Variants in FIGNL2 observed in about 807,000 individuals in gnomAD.
FIGNL2 encodes the protein fidgetin like 2.
For missense variants in FIGNL2, 1,060 were observed against 950.2 expected (o/e 1.12, Z -1.52); for synonymous variants, 565 against 484.0 (o/e 1.17, Z -2.20).
chr12:51,821,712 G>T lies in FIGNL2; in HGVS notation c.702C>A (p.Gly234=), dbSNP rs1200594868. 5 of 1,332,242 alleles carry T rather than the reference G, an allele frequency of 3.8e-6. No individual in the cohort carries two copies. The highest frequency in any genetic ancestry group is 8.4e-5 in the Admixed American group (2 of 23,884). 82.5% of individuals were successfully genotyped at this position (1,332,242 alleles called of 1,614,324 possible). The stretch of plus-strand genomic sequence containing the variant: ...CGGGCAGGGGCGTGGGCGCGGGCAG[G>T]CCCGGGGTCAGGTAGGGGGCCGGGG... The part of the protein sequence containing the change: ...GPPPAPYLTP[G]LPAPTPLPAP... The change falls in exon 2 of 2, where the codon GGC becomes GGA. Residue 234 remains glycine, a synonymous_variant. Coordinates refer to ENST00000618634, the MANE Select transcript of FIGNL2 (RefSeq NM_001384995.1).
chr12:51,821,912 C>T lies in FIGNL2; in HGVS notation c.502G>A (p.Ala168Thr). ...YAAGYGGGYL[A>T]PGYCAQTGAA... ...CCCGTCTGCGCGCAGTAACCCGGCG[C>T]CAGGTACCCCCCGCCGTAGCCGGCC... The change falls in exon 2 of 2, where the codon GCG becomes ACG. Residue 168 changes from alanine (A) to threonine (T), a missense_variant. Ala to Thr is a moderately conservative substitution (Grantham distance 58). Coordinates refer to ENST00000618634, the MANE Select transcript of FIGNL2 (RefSeq NM_001384995.1). 1 of 1,477,178 alleles carries T rather than the reference C, an allele frequency of 6.8e-7. No individual in the cohort carries two copies. Among genetic ancestry groups the T allele is most frequent in the Non-Finnish European group, 8.9e-7 (1 of 1,118,502 alleles). 91.5% of individuals were successfully genotyped at this position (1,477,178 alleles called of 1,614,324 possible).
intron 1 of FIGNL2, among the ~76,000 whole-genome samples, chr12:51,834,122 T>G (rs1939536928): frequency 7.3e-6 from 1 of 137,770 alleles, no homozygotes; most frequent in African/African-American, 2.7e-5. Flanking sequence ...GATGGATGGA[T>G]GGATGGATGG....
intron 1 of FIGNL2, chr12:51,847,875 G>A: frequency 2.1e-6 from 2 of 968,688 alleles, no homozygotes; most frequent in Non-Finnish European, 2.5e-6. Context: ...GGTCCCCCTT[G>A]TTGCCTGTAG....
intron 1 of FIGNL2, chr12:51,845,770 G>C (rs1423991624): frequency 4.4e-5 from 25 of 567,868 alleles, no homozygotes; most frequent in Non-Finnish European, 4.4e-5. Context: ...GCAGCAGTCG[G>C]AGCTTGGGGG....
rs943464162 is a variant in FIGNL2 at position 51,848,253 on chromosome 12, C to T, written c.-12+287G>A. On this transcript the variant is annotated intron_variant, in intron 1 of 1. Coordinates refer to ENST00000618634, the MANE Select transcript of FIGNL2 (RefSeq NM_001384995.1). ...CCGAGCCGGCTGCTCGCTTTCGCTG[C>T]AGCCCCCGCACCAGAGGGGGCTGCG... 8 of 984,850 alleles carry T rather than the reference C, an allele frequency of 8.1e-6. No individual in the cohort carries two copies. In the African/African-American group the frequency reaches 1.2e-4, roughly 15 times the overall value. The allele number at this position is 984,850 out of a possible 1,614,324, so 61.0% of individuals were successfully genotyped here.
chr12:51,847,631 T>C, intron 1 of FIGNL2: 3 of 985,160 alleles, frequency 3.0e-6, no homozygotes, highest in Non-Finnish European at 3.6e-6. Flanking sequence ...GCGCGCTCTC[T>C]GCCCCGCGCA....
intron 1 of FIGNL2, among the ~76,000 whole-genome samples, chr12:51,826,640 CAAAAAAAA>C (rs4025910): frequency 2.9e-5 from 3 of 104,390 alleles, no homozygotes; most frequent in Non-Finnish European, 5.6e-5. Context: ...ACTCCCATCT[CAAAAAAAA>C]AAAAAAAAAA....
At chr12:51,830,958 T>A (rs1402877792) in intron 1 of FIGNL2, among the ~76,000 whole-genome samples, 1 of 151,918 alleles carries the variant, frequency 6.6e-6, no homozygotes, top group African/African-American at 2.4e-5. Context: ...TTGGCTAATG[T>A]TTGTGTTTGT....
intron 1 of FIGNL2, among the ~76,000 whole-genome samples, chr12:51,833,641 C>T (rs1405451707): frequency 1.3e-5 from 2 of 152,194 alleles, no homozygotes; most frequent in Non-Finnish European, 2.9e-5. Flanking sequence ...ACCTCAGTGC[C>T]CCTGCCTCTG....
intron 1 of FIGNL2, among the ~76,000 whole-genome samples, chr12:51,839,729 C>T (rs1939630267): frequency 6.6e-6 from 1 of 152,214 alleles, no homozygotes; most frequent in African/African-American, 2.4e-5. Flanking sequence ...TGCCCTTCCA[C>T]TCCAATGCCC....
At position 51,817,942 on chromosome 12, in the gene FIGNL2, T is replaced by C. The variant is rs1438923386; in HGVS notation, c.*2510A>G. On this transcript the variant is annotated 3_prime_UTR_variant, in exon 2 of 2. Coordinates refer to ENST00000618634, the MANE Select transcript of FIGNL2 (RefSeq NM_001384995.1). Reference sequence around the variant, plus strand: ...TACTGTGTAATACTTTCTTTTAAAATACAGTCTCTTCTGAGGTAGACAGAC... The same window carrying C: ...TACTGTGTAATACTTTCTTTTAAAACACAGTCTCTTCTGAGGTAGACAGAC... 3.3e-5 allele frequency: 5 copies of C among 152,350 alleles called. No homozygotes were observed. Among genetic ancestry groups the C allele is most frequent in the Non-Finnish European group, 5.9e-5 (4 of 67,998 alleles). 9.4% of individuals were successfully genotyped at this position (152,350 alleles called of 1,614,324 possible).
intron 1 of FIGNL2, among the ~76,000 whole-genome samples, chr12:51,834,141 ATGAT>A (rs1565946437): frequency 2.0e-5 from 3 of 151,918 alleles, no homozygotes; most frequent in Non-Finnish European, 4.4e-5. Flanking sequence ...GGATGGATGG[ATGAT>A]CCTAGAGGCT....
At chr12:51,835,631 A>G (rs1939567149) in intron 1 of FIGNL2, 1 of 152,192 alleles carries the variant, frequency 6.6e-6, no homozygotes, top group Non-Finnish European at 1.5e-5. Flanking sequence ...GGTACTAGCC[A>G]CATTCCATAT....
At chr12:51,836,484 C>T (rs1939580941) in intron 1 of FIGNL2, among the ~76,000 whole-genome samples, 1 of 152,116 alleles carries the variant, frequency 6.6e-6, no homozygotes, top group African/African-American at 2.4e-5. Flanking sequence ...AGCTGTGTCC[C>T]CCGAGGCCTG....
At position 51,822,117 on chromosome 12, in the gene FIGNL2, C is replaced by T. The variant is rs1480390877; in HGVS notation, c.297G>A (p.Trp99Ter). ...LNGAKGDPEP[W>*]PGPEPPYPLA... The stretch of plus-strand genomic sequence containing the variant: ...AGGGGTAGGGTGGCTCCGGCCCTGG[C>T]CAGGGCTCGGGATCCCCTTTGGCGC... Residue 99 changes from tryptophan (W) to a stop codon, truncating the protein, a stop_gained, in exon 2 of 2, where the codon TGG becomes TGA. Coordinates refer to ENST00000618634, the MANE Select transcript of FIGNL2 (RefSeq NM_001384995.1). LOFTEE classifies it low-confidence loss of function (END_TRUNC). 1 of 1,610,698 alleles carries T rather than the reference C, an allele frequency of 6.2e-7. No homozygotes were observed. Among genetic ancestry groups the T allele is most frequent in the Non-Finnish European group, 8.5e-7 (1 of 1,178,734 alleles).
chr12:51,848,378 T>C lies in FIGNL2; in HGVS notation c.-12+162A>G, dbSNP rs1272658375. 3 of 980,436 alleles carry C rather than the reference T, an allele frequency of 3.1e-6. No homozygotes were observed. In the African/African-American group the frequency reaches 5.4e-5, roughly 18 times the overall value. 60.7% of individuals were successfully genotyped at this position (980,436 alleles called of 1,614,324 possible). On this transcript the variant is annotated intron_variant, in intron 1 of 1. Coordinates refer to ENST00000618634, the MANE Select transcript of FIGNL2 (RefSeq NM_001384995.1). Reference sequence around the variant, plus strand: ...GCTCCCACGTACCCGCTAGGGTCTCTCGCCGGCCCTGCCCTCCGACCCCCG... The same window carrying C: ...GCTCCCACGTACCCGCTAGGGTCTCCCGCCGGCCCTGCCCTCCGACCCCCG...
chr12:51,834,708 C>T (rs146741538), intron 1 of FIGNL2, among the ~76,000 whole-genome samples: 1 of 152,340 alleles, frequency 6.6e-6, no homozygotes, highest in East Asian at 1.9e-4. Flanking sequence ...GGGGACAGCA[C>T]AGATATCCCT....
chr12:51,847,399 G>A (rs1372901175), intron 1 of FIGNL2: 1 of 985,352 alleles, frequency 1.0e-6, no homozygotes, highest in Non-Finnish European at 1.2e-6. Context: ...CCTCGCTGCC[G>A]GGCGGAAAGC....
At chr12:51,847,017 T>TCCCGC in intron 1 of FIGNL2, 1 of 984,396 alleles carries the variant, frequency 1.0e-6, no homozygotes, top group Non-Finnish European at 1.2e-6. Flanking sequence ...CCCCAGGAAG[T>TCCCGC]CCCGCCCCGC....
Sources: allele counts gnomAD v4.1 joint callset (sites outside exome capture counted in the v4.1 genomes callset), GRCh38; gene constraint gnomAD v4.1.1; transcripts MANE v1.5; gene names NCBI Gene and HGNC (gene_info 2026-07-23, HGNC 2026-07-21).